Variants in B3GALT1 observed in about 807,000 individuals in gnomAD.
The protein encoded by B3GALT1 is beta-1,3-galactosyltransferase 1.
Under a neutral mutation model 23.2 loss-of-function variants are expected in B3GALT1, and 10 were observed. That is an observed-to-expected ratio of 0.43 (90% CI 0.27 to 0.73). The LOEUF is 0.73. Ranked by LOEUF, B3GALT1 falls within the 30% of genes least tolerant of loss-of-function variation. The pLI is 0.21. For missense variants in B3GALT1, 299 were observed against 405.4 expected, an observed-to-expected ratio of 0.74 and a Z score of 2.25; for synonymous variants, 156 against 141.5, an observed-to-expected ratio of 1.10 and a Z score of -0.73.
intron 2 of B3GALT1, among the ~76,000 whole-genome samples, chr2:167,530,275 A>G (rs1388538575): frequency 6.6e-6 from 1 of 152,104 alleles, no homozygotes; most frequent in Non-Finnish European, 1.5e-5. Context: ...CTCTTCTCTA[A>G]ATCTATTTTT....
chr2:167,749,888 A>G (rs1687708409), intron 3 of B3GALT1, among the ~76,000 whole-genome samples: 2 of 152,216 alleles, frequency 1.3e-5, no homozygotes, highest in South Asian at 2.1e-4. Flanking sequence ...TCTGTTTTAC[A>G]GTTTGTATTT....
chr2:167,433,152 C>T lies in B3GALT1; in HGVS notation c.-510-57025C>T, dbSNP rs150716828. Reference sequence around the variant, plus strand: ...GGCTTTACGGCCTTGATAGTTTTCCCTTTTCCAGGATGTCATATACTTGGA... The same window carrying T: ...GGCTTTACGGCCTTGATAGTTTTCCTTTTTCCAGGATGTCATATACTTGGA... On this transcript the variant is annotated intron_variant, in intron 1 of 4. Transcript: ENST00000392690. Among the ~76,000 whole-genome samples, 16 of 152,272 alleles carry T rather than the reference C, an allele frequency of 1.1e-4. No individual in the cohort carries two copies. In the East Asian group the frequency reaches 2.9e-3, roughly 28 times the overall value.
intron 3 of B3GALT1, among the ~76,000 whole-genome samples, chr2:167,764,233 C>T (rs1687939843): frequency 6.6e-6 from 1 of 152,166 alleles, no homozygotes; most frequent in African/African-American, 2.4e-5. Flanking sequence ...CCAAATAATG[C>T]ACATTGGGTT....
chr2:167,552,229 G>T (rs1683761691), intron 2 of B3GALT1, among the ~76,000 whole-genome samples: 2 of 152,070 alleles, frequency 1.3e-5, no homozygotes. Context: ...CACTCATTTT[G>T]TTAATACCAA....
At chr2:167,369,061 T>TTGTG (rs60938716) in intron 1 of B3GALT1, among the ~76,000 whole-genome samples, 7,070 of 147,254 alleles carry the variant, frequency 0.048, 221 homozygotes, top group African/African-American at 0.079. Context: ...AAACTCTTAT[T>TTGTG]TGTGTGTGTG....
At chr2:167,538,889 A>T (rs1683482158) in intron 2 of B3GALT1, among the ~76,000 whole-genome samples, 2 of 152,114 alleles carry the variant, frequency 1.3e-5, no homozygotes, top group South Asian at 2.1e-4. Flanking sequence ...TACAGTGTTT[A>T]AAAATGTGAA....
chr2:167,429,197 C>T (rs959242984), intron 1 of B3GALT1, among the ~76,000 whole-genome samples: 2 of 148,388 alleles, frequency 1.3e-5, no homozygotes, highest in African/African-American at 2.5e-5. Flanking sequence ...CAGGGAATGG[C>T]GTGAACCCAG....
At chr2:167,305,039 C>G (rs1165112517) in intron 1 of B3GALT1, among the ~76,000 whole-genome samples, 1 of 152,136 alleles carries the variant, frequency 6.6e-6, no homozygotes, top group East Asian at 1.9e-4. Flanking sequence ...TGAAGATGAT[C>G]TTTGTTACTC....
intron 3 of B3GALT1, among the ~76,000 whole-genome samples, chr2:167,722,655 A>G (rs1287055820): frequency 1.3e-5 from 2 of 152,240 alleles, no homozygotes; most frequent in Non-Finnish European, 2.9e-5. Flanking sequence ...TAGACAAACC[A>G]TAAGCTGATG....
At chr2:167,659,237 G>GTTT (rs5836155) in intron 3 of B3GALT1, among the ~76,000 whole-genome samples, 1 of 148,708 alleles carries the variant, frequency 6.7e-6, no homozygotes, top group Non-Finnish European at 1.5e-5. Context: ...AGTTCCATGT[G>GTTT]TTTTTTTTTT....
At chr2:167,744,714 C>G (rs1687627246) in intron 3 of B3GALT1, among the ~76,000 whole-genome samples, 2 of 152,132 alleles carry the variant, frequency 1.3e-5, no homozygotes, top group South Asian at 4.1e-4. Context: ...GCATCAGCCT[C>G]CCAGGTGGCT....
intron 1 of B3GALT1, among the ~76,000 whole-genome samples, chr2:167,465,089 T>G (rs1204471928): frequency 6.6e-6 from 1 of 152,242 alleles, no homozygotes; most frequent in East Asian, 1.9e-4. Context: ...AACTAAGATT[T>G]TCTTTCTAAG....
chr2:167,792,130 G>A (rs780406170), intron 3 of B3GALT1, among the ~76,000 whole-genome samples: 4 of 151,652 alleles, frequency 2.6e-5, no homozygotes, highest in African/African-American at 4.8e-5. Flanking sequence ...GGTATTGATC[G>A]TACCTGATCA....
intron 2 of B3GALT1, among the ~76,000 whole-genome samples, chr2:167,636,288 G>A (rs981598536): frequency 1.3e-5 from 2 of 151,740 alleles, no homozygotes; most frequent in Admixed American, 1.3e-4. Context: ...AAGGGGATTA[G>A]TTTACCCCCA....
intron 3 of B3GALT1, among the ~76,000 whole-genome samples, chr2:167,757,323 T>A (rs1214036053): frequency 1.3e-5 from 2 of 152,130 alleles, no homozygotes; most frequent in Non-Finnish European, 2.9e-5. Context: ...ACCCCCATGA[T>A]GGTGGGTGTC....
chr2:167,727,484 T>C (rs2105262110), intron 3 of B3GALT1, among the ~76,000 whole-genome samples: 1 of 152,304 alleles, frequency 6.6e-6, no homozygotes, highest in South Asian at 2.1e-4. Flanking sequence ...GTCCATCTTC[T>C]GATTCCCAAA....
intron 3 of B3GALT1, among the ~76,000 whole-genome samples, chr2:167,680,131 A>AAC (rs1408612459): frequency 6.6e-6 from 1 of 152,200 alleles, no homozygotes; most frequent in Admixed American, 6.5e-5. Flanking sequence ...ATTCATTCCA[A>AAC]ACACACACTT....
chr2:167,519,260 G>C (rs1248456678), intron 2 of B3GALT1, among the ~76,000 whole-genome samples: 1 of 152,092 alleles, frequency 6.6e-6, no homozygotes. Context: ...ACATAGATCA[G>C]AACTGCAGAA....
chr2:167,621,549 G>A (rs1263813119), intron 2 of B3GALT1, among the ~76,000 whole-genome samples: 2 of 152,048 alleles, frequency 1.3e-5, no homozygotes, highest in Non-Finnish European at 2.9e-5. Flanking sequence ...AAGCAATTGA[G>A]GGAAAACGTA....
Sources: gnomAD v4.1 joint callset for allele counts (sites outside exome capture counted in the v4.1 genomes callset) on GRCh38, gnomAD v4.1.1 for gene constraint, MANE v1.5 for transcripts, NCBI Gene and HGNC (gene_info 2026-07-23, HGNC 2026-07-21) for gene names.